The following KCNT2 variants were observed in gnomAD, a reference collection of about 807,000 sequenced individuals.
KCNT2 encodes the protein potassium sodium-activated channel subfamily T member 2, also known as potassium channel subfamily T member 2.
Under a neutral mutation model 153.8 loss-of-function variants are expected in KCNT2, and 67 were observed. The ratio of observed to expected loss-of-function variants is 0.44; its 90% CI spans 0.36 to 0.53. KCNT2 has a LOEUF of 0.53. Ranked by LOEUF, KCNT2 falls within the 20% of genes least tolerant of loss-of-function variation. The pLI is 0.00. For synonymous variants in KCNT2, 500 were observed against 458.8 expected (o/e 1.09, Z -1.15); for missense variants, 975 against 1,354.8 (o/e 0.72, Z 4.40).
intron 25 of KCNT2, among the ~76,000 whole-genome samples, chr1:196,260,001 C>T (rs934113899): frequency 1.2e-4 from 18 of 151,740 alleles, no homozygotes; most frequent in Admixed American, 2.0e-4. Context: ...TTAAGTAATA[C>T]GTACCACCAA....
chr1:196,290,213 A>C (rs1032634724), intron 22 of KCNT2, among the ~76,000 whole-genome samples: 1 of 152,006 alleles, frequency 6.6e-6, no homozygotes, highest in Non-Finnish European at 1.5e-5. Context: ...TAATTCCTAA[A>C]TCTAGTGGTT....
intron 26 of KCNT2, 62 bp downstream of exon 26, chr1:196,258,132 A>G (rs1447609390): frequency 1.3e-6 from 2 of 1,553,928 alleles, no homozygotes; most frequent in Non-Finnish European, 1.7e-6. Flanking sequence ...AGAACCAACT[A>G]TATTACTACT....
At chr1:196,293,351 C>G (rs1439830967) in intron 22 of KCNT2, among the ~76,000 whole-genome samples, 1 of 151,834 alleles carries the variant, frequency 6.6e-6, no homozygotes, top group Non-Finnish European at 1.5e-5. Context: ...CAAAACAAAA[C>G]AAAAGAAAAA....
chr1:196,587,852 T>G (rs1352971708), intron 1 of KCNT2, among the ~76,000 whole-genome samples: 1 of 151,952 alleles, frequency 6.6e-6, no homozygotes, highest in African/African-American at 2.4e-5. Context: ...CACTGCAAAA[T>G]TAAGACAGTT....
intron 8 of KCNT2, among the ~76,000 whole-genome samples, chr1:196,462,798 C>T (rs183376425): frequency 6.6e-6 from 1 of 151,772 alleles, no homozygotes; most frequent in East Asian, 1.9e-4. Flanking sequence ...TACATGTGGA[C>T]TTTTATCACT....
chr1:196,569,007 T>A (rs1460206512), intron 1 of KCNT2, among the ~76,000 whole-genome samples: 2 of 152,158 alleles, frequency 1.3e-5, no homozygotes, highest in African/African-American at 4.8e-5. Context: ...GAGTCACTCA[T>A]CATTGCTGTG....
intron 26 of KCNT2, among the ~76,000 whole-genome samples, chr1:196,251,349 T>G (rs749822523): frequency 6.6e-6 from 1 of 152,128 alleles, no homozygotes; most frequent in Non-Finnish European, 1.5e-5. Context: ...TAAAGTGTTT[T>G]TTTCCTCTAG....
chr1:196,414,561 T>TTTG (rs1012914352), intron 12 of KCNT2, among the ~76,000 whole-genome samples: 28 of 151,922 alleles, frequency 1.8e-4, no homozygotes, highest in Middle Eastern at 3.4e-3. Context: ...AGTAAAAGTT[T>TTTG]TTGTTGTTGT....
intron 14 of KCNT2, among the ~76,000 whole-genome samples, chr1:196,357,928 T>A (rs1016059395): frequency 1.3e-5 from 2 of 151,956 alleles, no homozygotes; most frequent in African/African-American, 2.4e-5. Context: ...TCTTTCCTTT[T>A]CAGAAAATTT....
intron 13 of KCNT2, among the ~76,000 whole-genome samples, chr1:196,386,387 A>T (rs1669988418): frequency 6.6e-6 from 1 of 152,172 alleles, no homozygotes; most frequent in Non-Finnish European, 1.5e-5. Context: ...TAACTAATAT[A>T]CTAGCTTACG....
intron 20 of KCNT2, among the ~76,000 whole-genome samples, chr1:196,318,862 T>C (rs899345871): frequency 3.3e-5 from 5 of 151,736 alleles, no homozygotes; most frequent in African/African-American, 4.8e-5. Context: ...TGGCTGACAT[T>C]TTTTAGAAGT....
chr1:196,294,820 T>C (rs956475080), intron 22 of KCNT2, among the ~76,000 whole-genome samples: 1 of 151,504 alleles, frequency 6.6e-6, no homozygotes, highest in Non-Finnish European at 1.5e-5. Context: ...CATAATGGAA[T>C]ACTATTTTGC....
chr1:196,514,094 T>C (rs1005231069), intron 1 of KCNT2, among the ~76,000 whole-genome samples: 5 of 152,214 alleles, frequency 3.3e-5, no homozygotes, highest in Non-Finnish European at 7.3e-5. Context: ...CCTCCAAAGC[T>C]GCCAGTAATG....
chr1:196,384,014 A>G (rs1482317747), intron 13 of KCNT2, among the ~76,000 whole-genome samples: 1 of 152,186 alleles, frequency 6.6e-6, no homozygotes, highest in Non-Finnish European at 1.5e-5. Flanking sequence ...AATGTGCTGA[A>G]AGTAGACCTT....
intron 16 of KCNT2, among the ~76,000 whole-genome samples, chr1:196,334,576 G>T (rs1455867805): frequency 2.1e-5 from 3 of 144,604 alleles, no homozygotes; most frequent in Non-Finnish European, 4.5e-5. Flanking sequence ...CCAGGTTCAA[G>T]CGCCCCCTTT....
chr1:196,553,265 C>A (rs1291065810), intron 1 of KCNT2, among the ~76,000 whole-genome samples: 1 of 150,852 alleles, frequency 6.6e-6, no homozygotes, highest in Non-Finnish European at 1.5e-5. Context: ...TTATATGAGA[C>A]AAAATAGATT....
chr1:196,382,082 A>AATTTATTTATTTATTTATTT (rs547804260), intron 13 of KCNT2, among the ~76,000 whole-genome samples: 51,744 of 143,022 alleles, frequency 0.36, 10,229 homozygotes, highest in East Asian at 0.52. Context: ...TGTTTAACCA[A>AATTTATTTATTTATTTATTT]ATTTATTTAT....
intron 22 of KCNT2, among the ~76,000 whole-genome samples, chr1:196,301,656 T>A (rs751471518): frequency 1.2e-4 from 18 of 152,134 alleles, no homozygotes; most frequent in Non-Finnish European, 2.5e-4. Context: ...AAATCCTACT[T>A]CTTAAACATG....
At chr1:196,290,775 T>C (rs1924758) in intron 22 of KCNT2, among the ~76,000 whole-genome samples, 9 of 152,068 alleles carry the variant, frequency 5.9e-5, no homozygotes, top group African/African-American at 2.2e-4. Context: ...GACCAGGTCT[T>C]TATTATCTCA....
Sources: gnomAD v4.1 joint callset for allele counts (sites outside exome capture counted in the v4.1 genomes callset) on GRCh38, gnomAD v4.1.1 for gene constraint, MANE v1.5 for transcripts, NCBI Gene and HGNC (gene_info 2026-07-23, HGNC 2026-07-21) for gene names.